MAP4: variants seen among roughly 807,000 people sequenced by gnomAD.
The protein encoded by MAP4 is microtubule-associated protein 4.
Under a neutral mutation model 170.2 loss-of-function variants are expected in MAP4, and 76 were observed. The ratio of observed to expected loss-of-function variants is 0.45; its 90% CI spans 0.37 to 0.54. The LOEUF (loss-of-function observed/expected upper bound fraction) is 0.54, where lower values mean the gene tolerates loss of function less well. Among genes scored for constraint, MAP4 ranks in the 20% least tolerant of loss-of-function variants. MAP4 has a pLI of 0.00. For missense variants in MAP4, 2,506 were observed against 2,748.0 expected (o/e 0.91, Z 1.97); for synonymous variants, 909 against 994.5 (o/e 0.91, Z 1.62).
At chr3:47,903,605 C>T (rs1206515979) in intron 9 of MAP4, among the ~76,000 whole-genome samples, 1 of 152,046 alleles carries the variant, frequency 6.6e-6, no homozygotes, top group Non-Finnish European at 1.5e-5. Context: ...ATTAATCTTC[C>T]CTGCCTGGAA....
chr3:47,924,230 A>T (rs1188297370), intron 4 of MAP4, among the ~76,000 whole-genome samples: 1 of 152,154 alleles, frequency 6.6e-6, no homozygotes, highest in Non-Finnish European at 1.5e-5. Context: ...TCTTTGCTTG[A>T]TAAGTATTTA....
In MAP4 at chr3:47,972,485, C is replaced by A. The variant is rs189897846; in HGVS notation, c.292+5380G>T. Reference sequence around the variant, plus strand: ...CTCCTTTTGGAATAACTTCTTCACACCTTTCTGTCAAGTGACTTTCTCACC... The same window carrying A: ...CTCCTTTTGGAATAACTTCTTCACAACTTTCTGTCAAGTGACTTTCTCACC... On this transcript the variant is annotated intron_variant, in intron 3 of 20. Transcript: ENST00000683076. Among the ~76,000 whole-genome samples the A allele has an allele frequency of 5.9e-5, 9 of 152,338 alleles. No homozygotes were observed. The East Asian group carries it at 1.5e-3, about 26-fold the overall frequency.
intron 2 of MAP4, among the ~76,000 whole-genome samples, chr3:47,982,348 T>C (rs2100085877): frequency 6.6e-6 from 1 of 152,110 alleles, no homozygotes; most frequent in Non-Finnish European, 1.5e-5. Context: ...TACATTAGGA[T>C]AAAAGTCTGA....
chr3:47,953,843 G>A (rs1472155227), intron 3 of MAP4, among the ~76,000 whole-genome samples: 3 of 151,796 alleles, frequency 2.0e-5, no homozygotes, highest in Non-Finnish European at 2.9e-5. Context: ...GTGAAACCCC[G>A]ACTGTACTAA....
At chr3:48,082,123 G>A (rs542699468) in intron 1 of MAP4, among the ~76,000 whole-genome samples, 2 of 152,214 alleles carry the variant, frequency 1.3e-5, no homozygotes, top group African/African-American at 4.8e-5. Flanking sequence ...TAAATAAATG[G>A]GGGAGGCATA....
intron 10 of MAP4, among the ~76,000 whole-genome samples, chr3:47,883,059 C>A (rs530543361): frequency 1.2e-4 from 19 of 152,214 alleles, no homozygotes; most frequent in African/African-American, 4.6e-4. Context: ...GATCCACCCA[C>A]CTTGGTCTCC....
chr3:48,033,452 T>C (rs1394907104), intron 1 of MAP4, among the ~76,000 whole-genome samples: 2 of 152,214 alleles, frequency 1.3e-5, no homozygotes, highest in Non-Finnish European at 2.9e-5. Flanking sequence ...CATTTTATTT[T>C]GTACAAACAG....
intron 10 of MAP4, among the ~76,000 whole-genome samples, chr3:47,883,811 A>G (rs533822909): frequency 1.3e-5 from 2 of 152,206 alleles, no homozygotes; most frequent in Admixed American, 6.5e-5. Flanking sequence ...CCAGTTTCTG[A>G]TAAGAAACAG....
At chr3:48,063,779 C>T (rs761502671) in intron 1 of MAP4, among the ~76,000 whole-genome samples, 18 of 151,900 alleles carry the variant, frequency 1.2e-4, no homozygotes, top group Admixed American at 6.6e-5. Flanking sequence ...TCTAACTATA[C>T]GACATTGTGA....
chr3:47,937,684 G>C (rs1301259330), intron 3 of MAP4, among the ~76,000 whole-genome samples: 1 of 114,968 alleles, frequency 8.7e-6, no homozygotes, highest in Non-Finnish European at 1.7e-5. Flanking sequence ...TTTTTGAGAC[G>C]AAGTCTCACT....
chr3:47,937,656 C>CTTTT (rs71070243), intron 3 of MAP4, among the ~76,000 whole-genome samples: 177 of 107,906 alleles, frequency 1.6e-3, no homozygotes, highest in Non-Finnish European at 2.2e-3. Flanking sequence ...TTTTCTTCTT[C>CTTTT]TTTTTTTTTT....
At chr3:48,087,103 G>T (rs933595305) in intron 1 of MAP4, among the ~76,000 whole-genome samples, 1 of 152,204 alleles carries the variant, frequency 6.6e-6, no homozygotes. Context: ...TTATTTTGAA[G>T]CTAAATTTGA....
chr3:47,989,032 G>T (rs962127649), intron 2 of MAP4, among the ~76,000 whole-genome samples: 3 of 152,062 alleles, frequency 2.0e-5, no homozygotes, highest in Non-Finnish European at 4.4e-5. Flanking sequence ...GGCTGGTCTC[G>T]AACTCCTGAC....
At chr3:47,889,334 C>T (rs552166368) in intron 10 of MAP4, among the ~76,000 whole-genome samples, 20 of 152,314 alleles carry the variant, frequency 1.3e-4, no homozygotes, top group African/African-American at 3.8e-4. Flanking sequence ...GCTTTCCCTC[C>T]GCATTATTTG....
chr3:48,066,818 ATTCCTTTTT>A (rs2100138463), intron 1 of MAP4, among the ~76,000 whole-genome samples: 2 of 130,850 alleles, frequency 1.5e-5, no homozygotes, highest in African/African-American at 5.9e-5. Flanking sequence ...AACATCTCTA[ATTCCTTTTT>A]TTTTTTTTTT....
chr3:47,962,302 T>C (rs1052276607), intron 3 of MAP4, among the ~76,000 whole-genome samples: 3 of 152,206 alleles, frequency 2.0e-5, no homozygotes, highest in African/African-American at 7.2e-5. Context: ...AATTCTTTCC[T>C]GGCAAAGCCA....
At chr3:47,870,676 G>A in intron 15 of MAP4, 137 bp downstream of exon 15, 1 of 886,178 alleles carries the variant, frequency 1.1e-6, no homozygotes, top group Non-Finnish European at 1.6e-6. Flanking sequence ...CCACTACAGA[G>A]CCCCGGCTGA....
chr3:47,893,946 C>A (rs1232388171), intron 10 of MAP4, among the ~76,000 whole-genome samples: 1 of 152,084 alleles, frequency 6.6e-6, no homozygotes, highest in African/African-American at 2.4e-5. Context: ...AAGAACTCAC[C>A]TTCTCTATTC....
rs1446783823 is a variant in MAP4, at chr3:47,852,281, A to G, written c.*653T>C. 6.4e-6 allele frequency: 1 copy of G among 157,028 alleles called. No individual in the cohort carries two copies. Among genetic ancestry groups the G allele is most frequent in the East Asian group, 1.9e-4 (1 of 5,296 alleles). The allele number at this position is 157,028 out of a possible 1,614,324, so 9.7% of individuals were successfully genotyped here. A position where few individuals can be genotyped will look rare whatever the true frequency, so the allele number is the denominator to read the frequency against. On this transcript the variant is annotated 3_prime_UTR_variant, in exon 21 of 21. Coordinates refer to ENST00000683076, the MANE Select transcript of MAP4 (RefSeq NM_001385682.1). The stretch of plus-strand genomic sequence containing the variant: ...AAAAGGACAAAACAAGAAAAATGTG[A>G]CAGCAGCTAGGCGGGTATGTTAAGC...
Sources: gnomAD v4.1 joint callset for allele counts (sites outside exome capture counted in the v4.1 genomes callset) on GRCh38, gnomAD v4.1.1 for gene constraint, MANE v1.5 for transcripts, NCBI Gene and HGNC (gene_info 2026-07-23, HGNC 2026-07-21) for gene names.